The following SZT2 variants were observed in gnomAD, a reference collection of about 807,000 sequenced individuals.
SZT2 encodes SZT2 subunit of KICSTOR complex, also known as KICSTOR complex protein SZT2.
In SZT2, 216 loss-of-function variants were observed where a neutral mutation model predicts 404.2. The observed-to-expected ratio is 0.53, with a 90% confidence interval of 0.48 to 0.60. The LOEUF (loss-of-function observed/expected upper bound fraction) is 0.60. Among genes scored for constraint, SZT2 ranks in the 20% least tolerant of loss-of-function variants. The pLI is 0.00. For synonymous variants in SZT2, 1,693 were observed against 1,749.9 expected (o/e 0.97, Z 0.81); for missense variants, 3,857 against 4,459.2 (o/e 0.86, Z 3.85).
At position 43,451,497 on chromosome 1, in the gene SZT2, G is replaced by A. The variant is rs778283341; in HGVS notation, c.*1017G>A. ...AGATAGGGGAAATTCAGCTCTCCGG[G>A]GCTGCTGGGCTCCCCTCGGCCTGGG... On this transcript the variant is annotated 3_prime_UTR_variant, in exon 72 of 72. Coordinates refer to ENST00000634258, the MANE Select transcript of SZT2 (RefSeq NM_001365999.1). 16 of 1,614,046 alleles carry A rather than the reference G, an allele frequency of 9.9e-6. No homozygotes were observed. Among genetic ancestry groups the A allele is most frequent in the Non-Finnish European group, 1.3e-5 (15 of 1,180,056 alleles).
rs775593298 is a variant in SZT2, at chr1:43,447,945, A to C, written c.9537A>C (p.Gln3179His). The C allele has an allele frequency of 1.2e-6, 2 of 1,614,012 alleles. No homozygotes were observed. Among genetic ancestry groups the C allele is most frequent in the South Asian group, 2.2e-5 (2 of 91,064 alleles). Residue 3179 changes from glutamine to histidine, a missense_variant, in exon 68 of 72, where the codon CAA becomes CAC. This residue lies in a region of SZT2 where 717 missense variants were observed against 868.2 expected (regional missense o/e 0.83). Coordinates refer to ENST00000634258, the MANE Select transcript of SZT2 (RefSeq NM_001365999.1). ...VCHCAAPFEE[Q>H]GEAERHVLRL... ...ACTGTGCTGCACCCTTTGAGGAGCA[A>C]GGAGAGGCTGAGCGGCACGTTCTGC...
chr1:43,434,406 G>C lies in SZT2; in HGVS notation c.5825G>C (p.Gly1942Ala). The change falls in exon 41 of 72, where the codon GGG (glycine) becomes GCG (alanine). Residue 1942 changes from glycine to alanine, a missense_variant. By Grantham distance (60) the Gly-to-Ala change is moderately conservative (BLOSUM62 0). Around this residue, in one of 7 missense-constraint regions of SZT2, gnomAD observed 1,725 missense variants for 1,881.0 expected, o/e 0.92. Transcript: ENST00000634258. ...AHARSLIRED[G>A]GPGTECRHLQ... is the part of the protein sequence containing the mutation. ...CCCAGGAGCCTGATTCGGGAGGATG[G>C]GGGGCCGGGCACTGAGTGTCGCCAC... 6.3e-7 allele frequency: 1 copy of C among 1,596,168 alleles called. No homozygotes were observed. The highest frequency in any genetic ancestry group is 8.5e-7 in the Non-Finnish European group (1 of 1,173,002).
rs1651726479 is a variant in SZT2, at chr1:43,416,390, G to A, written c.773-145G>A. 4.3e-6 allele frequency: 3 copies of A among 703,580 alleles called. No homozygotes were observed. The South Asian group carries it at 5.6e-5, about 13-fold the overall frequency. 43.6% of individuals were successfully genotyped at this position (703,580 alleles called of 1,614,324 possible). A position where few individuals can be genotyped will look rare whatever the true frequency, so the allele number is the denominator to read the frequency against. ...GGGTAAGGGAGAAGGAAAGGTGTTT[G>A]AAGTTTATAAAACTTCACAGTTTAT... On this transcript the variant is annotated intron_variant, in intron 6 of 71. Transcript: ENST00000634258.
In SZT2 at chr1:43,454,043, G is replaced by C; in HGVS notation, c.*3563G>C. ...CGGCCGGAAAAGGAGCAGGACCCGC[G>C]CCTGGAGAAGGTAGGGAGGCCGAGC... is the stretch of plus-strand genomic sequence containing the variant. On this transcript the variant is annotated 3_prime_UTR_variant, in exon 72 of 72. Transcript: ENST00000634258. The C allele has an allele frequency of 1.7e-6, 2 of 1,150,316 alleles. No homozygotes were observed. The highest frequency in any genetic ancestry group is 2.1e-6 in the Non-Finnish European group (2 of 936,732). The allele number at this position is 1,150,316 out of a possible 1,614,324, so 71.3% of individuals were successfully genotyped here.
intron 67 of SZT2, 27 bp from the exon 68 acceptor site, chr1:43,447,822 G>C (rs1655867250): frequency 6.2e-7 from 1 of 1,613,510 alleles, no homozygotes; most frequent in Non-Finnish European, 8.5e-7. Flanking sequence ...CCCCAGAGTT[G>C]ACATCTCCCC....
At position 43,420,763 on chromosome 1, in the gene SZT2, G is replaced by T; in HGVS notation, c.1276G>T (p.Glu426Ter). The change falls in exon 10 of 72, where the codon GAG becomes TAG. Residue 426 changes from glutamate (E) to a stop codon, truncating the protein, a stop_gained. Coordinates refer to ENST00000634258, the MANE Select transcript of SZT2 (RefSeq NM_001365999.1). LOFTEE classifies it high-confidence loss of function. The surrounding 1 kb of genome is among the most constrained non-coding windows in gnomAD (Gnocchi z 5.1). The stretch of plus-strand genomic sequence containing the variant: ...TTCTCCCTAAGGAGGGTCCCAATTG[G>T]AGGTAAAGCTGGTGCTGCTGTGGAA... The part of the protein sequence containing the change: ...VTLAKGGSQL[E>*]VKLVLLWKHN... 1 of 1,598,416 alleles carries T rather than the reference G, an allele frequency of 6.3e-7. No homozygotes were observed. The highest frequency in any genetic ancestry group is 1.1e-5 in the South Asian group (1 of 91,074).
intron 42 of SZT2, chr1:43,436,831 A>G (rs557312254): frequency 3.6e-6 from 1 of 279,958 alleles, no homozygotes; most frequent in African/African-American, 2.2e-5. Flanking sequence ...TGGAGGACAT[A>G]GTGTTAGAGT....
chr1:43,451,376 C>T lies in SZT2; in HGVS notation c.*896C>T, dbSNP rs540168498. On this transcript the variant is annotated 3_prime_UTR_variant, in exon 72 of 72. Coordinates refer to ENST00000634258, the MANE Select transcript of SZT2 (RefSeq NM_001365999.1). Reference sequence around the variant, plus strand: ...GAGAAAACAGCCCCTGTCCGGGTCCCTCCAGAGCTCCCTTCCCCAGGGCCA... The same window carrying T: ...GAGAAAACAGCCCCTGTCCGGGTCCTTCCAGAGCTCCCTTCCCCAGGGCCA... The T allele has an allele frequency of 8.1e-6, 13 of 1,611,980 alleles. No homozygotes were observed. The East Asian group carries it at 1.8e-4, about 22-fold the overall frequency.
Position 43,452,297 on chromosome 1 carries a change from C to T in SZT2, c.*1817C>T, listed in dbSNP as rs766355402. On this transcript the variant is annotated 3_prime_UTR_variant, in exon 72 of 72. Coordinates refer to ENST00000634258, the MANE Select transcript of SZT2 (RefSeq NM_001365999.1). ...GCTATTCGATCAGCTCCCTGGGGTACTCGGCCAGCCATCAGGTGGATCCTG... is the reference window on the plus strand; with the variant it reads ...GCTATTCGATCAGCTCCCTGGGGTATTCGGCCAGCCATCAGGTGGATCCTG... 3.0e-5 allele frequency: 48 copies of T among 1,613,900 alleles called. No individual in the cohort carries two copies. Among genetic ancestry groups the T allele is most frequent in the Non-Finnish European group, 4.1e-5 (48 of 1,179,956 alleles).
At position 43,425,128 on chromosome 1, in the gene SZT2, C is replaced by A; in HGVS notation, c.2566C>A (p.Gln856Lys). 6.2e-7 allele frequency: 1 copy of A among 1,614,180 alleles called. No homozygotes were observed. Among genetic ancestry groups the A allele is most frequent in the Non-Finnish European group, 8.5e-7 (1 of 1,180,016 alleles). Reference sequence around the variant, plus strand: ...TTGCCCACAGAATGAACCACCAGGGCAGGCTGCAGCTGAAGAGAAGCACAC... The same window carrying A: ...TTGCCCACAGAATGAACCACCAGGGAAGGCTGCAGCTGAAGAGAAGCACAC... ...ELPIQNEPPG[Q>K]AAAEEKHTCV... The change falls in exon 18 of 72, where the codon CAG (glutamine) becomes AAG (lysine). Residue 856 changes from glutamine to lysine, a missense_variant. Physicochemically the swap from Gln to Lys is moderately conservative, Grantham distance 53 (BLOSUM62 1). Transcript: ENST00000634258. The surrounding 1 kb of genome is among the most constrained non-coding windows in gnomAD (Gnocchi z 4.3).
chr1:43,416,412 T>A, intron 6 of SZT2, 123 bp from the exon 7 acceptor site: 1 of 776,038 alleles, frequency 1.3e-6, no homozygotes, highest in Non-Finnish European at 2.1e-6. Context: ...ACTTCACAGT[T>A]TATGAAACTG....
chr1:43,414,140 G>A (rs960089132), intron 4 of SZT2, among the ~76,000 whole-genome samples: 2 of 151,950 alleles, frequency 1.3e-5, no homozygotes, highest in African/African-American at 4.8e-5. Context: ...AAATTACCTG[G>A]GTGTGGTGGC....
chr1:43,442,548 G>C lies in SZT2; in HGVS notation c.8081G>C (p.Cys2694Ser), dbSNP rs746029780. The C allele has an allele frequency of 6.2e-7, 1 of 1,613,994 alleles. No individual in the cohort carries two copies. Among genetic ancestry groups the C allele is most frequent in the Admixed American group, 1.7e-5 (1 of 59,998 alleles). The change falls in exon 58 of 72, where the codon TGC (cysteine) becomes TCC (serine). Residue 2694 changes from cysteine to serine, a missense_variant. By Grantham distance (112) the Cys-to-Ser change is moderately radical. Coordinates refer to ENST00000634258, the MANE Select transcript of SZT2 (RefSeq NM_001365999.1). This position sits in a 1 kb window ranked among gnomAD's most constrained non-coding sequence, Gnocchi z 4.5. ...WQNARAHLIF[C>S]LLSQKLGLFH... is the part of the protein sequence containing the mutation. ...AATGCACGAGCCCATCTCATCTTCT[G>C]CCTACTCAGCCAGAAGCTTGGCCTC...
In SZT2 at chr1:43,441,486, T is replaced by TA; in HGVS notation, c.7512-17dup. 1 of 1,612,250 alleles carries TA rather than the reference T, an allele frequency of 6.2e-7. No homozygotes were observed. Among genetic ancestry groups the TA allele is most frequent in the Non-Finnish European group, 8.5e-7 (1 of 1,179,070 alleles). On this transcript the variant is annotated splice_polypyrimidine_tract_variant and intron_variant, in intron 53 of 71. Transcript: ENST00000634258. The surrounding 1 kb of genome is among the most constrained non-coding windows in gnomAD (Gnocchi z 4.8). ...GTGTCATGTATGGACATGAGGCTCT[T>TA]ACTCCCACTGTCTTCAGGCGCCGGA... is the stretch of plus-strand genomic sequence containing the variant.
In SZT2 at chr1:43,423,200, T is replaced by C; in HGVS notation, c.2139T>C (p.Gly713=). ...TPKVKRKGLG[G]AGGGSSPSKS... ...AGGTGAAACGAAAAGGGCTAGGGGG[T>C]GCTGGTGGGGGCAGCTCTCCCTCCA... is the stretch of plus-strand genomic sequence containing the variant. Residue 713 remains glycine, a synonymous_variant, in exon 15 of 72, where the codon GGT becomes GGC. Transcript: ENST00000634258. 1.3e-6 allele frequency: 2 copies of C among 1,597,220 alleles called. No homozygotes were observed. Among genetic ancestry groups the C allele is most frequent in the Non-Finnish European group, 1.7e-6 (2 of 1,179,310 alleles).
rs772852836 is a variant in SZT2, at chr1:43,450,831, C to A, written c.*351C>A. The A allele has an allele frequency of 4.2e-6, 3 of 709,348 alleles. No homozygotes were observed. Among genetic ancestry groups the A allele is most frequent in the Admixed American group, 3.5e-5 (2 of 57,228 alleles). 43.9% of individuals were successfully genotyped at this position (709,348 alleles called of 1,614,324 possible). On this transcript the variant is annotated 3_prime_UTR_variant, in exon 72 of 72. Transcript: ENST00000634258. The surrounding 1 kb of genome is among the most constrained non-coding windows in gnomAD (Gnocchi z 4.3). The stretch of plus-strand genomic sequence containing the variant: ...CTAGAGCTCCTCTGCCTGAATCCTG[C>A]CCCCTAGCCTTTGACCACTGTCAGC...
Position 43,421,319 on chromosome 1 carries a change from G to C in SZT2, c.1626+16G>C. 1 of 1,597,602 alleles carries C rather than the reference G, an allele frequency of 6.3e-7. No homozygotes were observed. Among genetic ancestry groups the C allele is most frequent in the African/African-American group, 1.3e-5 (1 of 75,052 alleles). ...CACCACCCCGGTGAGTAGCTCTGAA[G>C]TATAGTAGCCCCATTTCATGTCAAC... is the stretch of plus-strand genomic sequence containing the variant. On this transcript the variant is annotated intron_variant, in intron 11 of 71. Transcript: ENST00000634258.
chr1:43,410,913 G>C (rs192650252), intron 4 of SZT2, among the ~76,000 whole-genome samples: 2 of 152,018 alleles, frequency 1.3e-5, no homozygotes, highest in Non-Finnish European at 2.9e-5. Flanking sequence ...GGGTTGGGGG[G>C]GGATCTTGAT....
rs776231761 is a variant in SZT2, at chr1:43,403,322, A to C, written c.153+20A>C. 1 of 1,609,634 alleles carries C rather than the reference A, an allele frequency of 6.2e-7. No homozygotes were observed. Among genetic ancestry groups the C allele is most frequent in the African/African-American group, 1.3e-5 (1 of 74,872 alleles). On this transcript the variant is annotated intron_variant, in intron 2 of 71. Coordinates refer to ENST00000634258, the MANE Select transcript of SZT2 (RefSeq NM_001365999.1). ...ATGCTGGTGAGGCTTAGACACACGA[A>C]AGGTGTGAGGGGCCAGCCCAGAAGG...
Sources: gnomAD v4.1 joint callset for allele counts (sites outside exome capture counted in the v4.1 genomes callset) on GRCh38, gnomAD v4.1.1 for gene constraint, gnomAD v4.1.1 regional missense constraint, Gnocchi (gnomAD v3.1) non-coding constraint, MANE v1.5 for transcripts, NCBI Gene and HGNC (gene_info 2026-07-23, HGNC 2026-07-21) for gene names.